Variants in PRKCE observed in about 807,000 individuals in gnomAD.
PRKCE encodes the protein protein kinase C epsilon type.
A neutral mutation model predicts 85.4 loss-of-function variants in PRKCE; 16 were observed. The observed-to-expected ratio is 0.19, with a 90% confidence interval of 0.13 to 0.28. The LOEUF is 0.28. Ranked by LOEUF, PRKCE falls within the 10% of genes least tolerant of loss-of-function variation. The pLI is 1.00. For missense variants in PRKCE, 573 were observed against 975.2 expected, an observed-to-expected ratio of 0.59 and a Z score of 5.49; for synonymous variants, 388 against 371.5, an observed-to-expected ratio of 1.04 and a Z score of -0.51.
intron 6 of PRKCE, among the ~76,000 whole-genome samples, chr2:45,986,107 G>A (rs563879670): frequency 6.6e-6 from 1 of 152,364 alleles, no homozygotes; most frequent in African/African-American, 2.4e-5. Context: ...GCAAAGAATG[G>A]CACCATGGAA....
Position 45,966,383 on chromosome 2 carries a change from G to A in PRKCE, c.413-10046G>A, listed in dbSNP as rs185865853. Among the ~76,000 whole-genome samples the A allele has an allele frequency of 7.9e-5, 12 of 152,248 alleles. No individual in the cohort carries two copies. The East Asian group carries it at 1.2e-3, about 15-fold the overall frequency. ...CCTTGCACGCATGCGGGATACTGTC[G>A]TGTGTGTCAGATAGTAGTACCTCAT... On this transcript the variant is annotated intron_variant, in intron 2 of 14. Coordinates refer to ENST00000306156, the MANE Select transcript of PRKCE (RefSeq NM_005400.3).
At chr2:46,009,197 A>G (rs1705454188) in intron 9 of PRKCE, among the ~76,000 whole-genome samples, 1 of 152,246 alleles carries the variant, frequency 6.6e-6, no homozygotes, top group Non-Finnish European at 1.5e-5. Context: ...AAAAGAAACC[A>G]TAAAGGCAAA....
intron 10 of PRKCE, among the ~76,000 whole-genome samples, chr2:46,058,280 C>A (rs1430381299): frequency 6.6e-6 from 1 of 152,188 alleles, no homozygotes; most frequent in Non-Finnish European, 1.5e-5. Flanking sequence ...TGGCCCATGG[C>A]AGGTCAGGAC....
At chr2:46,168,460 G>A (rs908288273) in intron 14 of PRKCE, among the ~76,000 whole-genome samples, 14 of 152,126 alleles carry the variant, frequency 9.2e-5, no homozygotes, top group Non-Finnish European at 1.3e-4. Context: ...AACTATCTGC[G>A]AAAGGCATAA....
intron 2 of PRKCE, among the ~76,000 whole-genome samples, chr2:45,939,792 A>T (rs571231950): frequency 6.8e-4 from 103 of 152,270 alleles, no homozygotes; most frequent in Middle Eastern, 3.4e-3. Flanking sequence ...TGACCTCATG[A>T]TCTGCCTGCC....
At chr2:45,723,042 A>G (rs530391385) in intron 1 of PRKCE, among the ~76,000 whole-genome samples, 3 of 152,346 alleles carry the variant, frequency 2.0e-5, no homozygotes, top group African/African-American at 7.2e-5. Flanking sequence ...CAGACGTTGC[A>G]GTGAGCTGAG....
chr2:45,677,575 C>T (rs1324308070), intron 1 of PRKCE, among the ~76,000 whole-genome samples: 1 of 152,066 alleles, frequency 6.6e-6, no homozygotes, highest in Non-Finnish European at 1.5e-5. Context: ...CCAGGATGGT[C>T]TCGATCTCCT....
intron 6 of PRKCE, among the ~76,000 whole-genome samples, chr2:45,985,932 A>T (rs966813605): frequency 2.1e-4 from 32 of 152,238 alleles, no homozygotes; most frequent in African/African-American, 7.7e-4. Flanking sequence ...TTTTGTCAGG[A>T]TCTAAGCAAT....
At chr2:46,120,915 A>T (rs1253480328) in intron 11 of PRKCE, among the ~76,000 whole-genome samples, 1 of 152,214 alleles carries the variant, frequency 6.6e-6, no homozygotes, top group Admixed American at 6.5e-5. Context: ...TATTAATATC[A>T]GTTTTCCACC....
chr2:45,953,341 C>T (rs868138701), intron 2 of PRKCE, among the ~76,000 whole-genome samples: 5 of 152,342 alleles, frequency 3.3e-5, no homozygotes, highest in Middle Eastern at 6.8e-3. Flanking sequence ...TGACATATGT[C>T]AGAGCCAAGA....
intron 2 of PRKCE, among the ~76,000 whole-genome samples, chr2:45,965,437 A>G (rs1449700238): frequency 6.6e-6 from 1 of 152,252 alleles, no homozygotes; most frequent in Non-Finnish European, 1.5e-5. Context: ...GTGAATTTAT[A>G]AAGTCAAAAC....
intron 1 of PRKCE, among the ~76,000 whole-genome samples, chr2:45,724,739 C>T (rs568839916): frequency 4.8e-4 from 73 of 152,292 alleles, no homozygotes; most frequent in African/African-American, 1.8e-3. Context: ...CACAACATTC[C>T]CTTAAGCCAA....
intron 2 of PRKCE, among the ~76,000 whole-genome samples, chr2:45,957,324 T>C (rs916490349): frequency 6.6e-6 from 1 of 152,266 alleles, no homozygotes; most frequent in African/African-American, 2.4e-5. Context: ...TGCTTATTTT[T>C]TATGCATGGA....
At chr2:46,098,049 G>A (rs1357822499) in intron 11 of PRKCE, among the ~76,000 whole-genome samples, 1 of 152,168 alleles carries the variant, frequency 6.6e-6, no homozygotes, top group Non-Finnish European at 1.5e-5. Flanking sequence ...CAGGAAGTTT[G>A]GAACCAAAGG....
chr2:45,792,984 A>G (rs909443721), intron 1 of PRKCE, among the ~76,000 whole-genome samples: 1 of 152,148 alleles, frequency 6.6e-6, no homozygotes, highest in Non-Finnish European at 1.5e-5. Flanking sequence ...TTTTTAGTAG[A>G]GACGGGGTTT....
intron 1 of PRKCE, among the ~76,000 whole-genome samples, chr2:45,800,711 A>C (rs1198081552): frequency 6.6e-6 from 1 of 152,234 alleles, no homozygotes; most frequent in African/African-American, 2.4e-5. Context: ...GCAGAAGAAC[A>C]AAATAAAACT....
At chr2:46,158,615 G>C (rs1219623385) in intron 13 of PRKCE, among the ~76,000 whole-genome samples, 1 of 152,184 alleles carries the variant, frequency 6.6e-6, no homozygotes, top group African/African-American at 2.4e-5. Context: ...TGCTGATGAA[G>C]CCTGAAATTC....
chr2:46,108,280 A>G (rs1020816854), intron 11 of PRKCE, among the ~76,000 whole-genome samples: 2 of 152,176 alleles, frequency 1.3e-5, no homozygotes, highest in African/African-American at 4.8e-5. Context: ...GTGTTTTTCA[A>G]ATATTTTCTC....
At chr2:46,174,413 C>G (rs972220049) in intron 14 of PRKCE, among the ~76,000 whole-genome samples, 1 of 152,202 alleles carries the variant, frequency 6.6e-6, no homozygotes, top group Non-Finnish European at 1.5e-5. Context: ...CCCATTCAGC[C>G]AGGAGATAAC....
Sources: gnomAD v4.1 joint callset for allele counts (sites outside exome capture counted in the v4.1 genomes callset) on GRCh38, gnomAD v4.1.1 for gene constraint, MANE v1.5 for transcripts, NCBI Gene and HGNC (gene_info 2026-07-23, HGNC 2026-07-21) for gene names.